The following LYZL4 variants were observed in gnomAD, a reference collection of about 807,000 sequenced individuals.
LYZL4 encodes lysozyme like 4.
A neutral mutation model predicts 17.6 loss-of-function variants in LYZL4; 13 were observed. The observed-to-expected ratio is 0.74, with a 90% confidence interval of 0.48 to 1.18. The LOEUF is 1.18. Ranked by LOEUF, LYZL4 falls within the 50% of genes most tolerant of loss-of-function variation. The pLI is 0.00. For missense variants in LYZL4, 174 were observed against 188.2 expected (o/e 0.92, Z 0.44); for synonymous variants, 64 against 67.7 (o/e 0.95, Z 0.27).
the LYZL4 span, among the ~76,000 whole-genome samples, chr3:42,365,548 G>A: frequency 5.3e-3 from 799 of 152,162 alleles, 5 homozygotes; most frequent in African/African-American, 0.018. Context: ...AGTGCAAATC[G>A]GCAAGGTCAA....
chr3:42,378,243 C>T, the LYZL4 span, among the ~76,000 whole-genome samples: 2 of 152,282 alleles, frequency 1.3e-5, no homozygotes, highest in East Asian at 3.9e-4. Flanking sequence ...ATTACAGGGG[C>T]CTACAGTGTT....
the LYZL4 span, among the ~76,000 whole-genome samples, chr3:42,370,946 A>G: frequency 6.6e-6 from 1 of 152,138 alleles, no homozygotes; most frequent in Non-Finnish European, 1.5e-5. Flanking sequence ...TTTTGTCTTT[A>G]GGGAGCCTCG....
chr3:42,373,703 C>CA, the LYZL4 span, among the ~76,000 whole-genome samples: 1 of 152,078 alleles, frequency 6.6e-6, no homozygotes, highest in East Asian at 1.9e-4. Context: ...AAGCCCTGTG[C>CA]ATCAGAAAGT....
At position 42,408,109 on chromosome 3, in the gene LYZL4, C is replaced by T. The variant is rs1431008890; in HGVS notation, c.-92-766G>A. ...ACAGCAAGCTGAGTCATAGCCCAGC[C>T]TTCTCATCTCCAACCCCCCGGGCCA... On this transcript the variant is annotated intron_variant, in intron 1 of 4. Coordinates refer to ENST00000287748, the MANE Select transcript of LYZL4 (RefSeq NM_144634.4). Among the ~76,000 whole-genome samples, 3 of 152,162 alleles carry T rather than the reference C, an allele frequency of 2.0e-5. No individual in the cohort carries two copies. In the East Asian group the frequency reaches 5.8e-4, roughly 29 times the overall value.
In LYZL4 at chr3:42,407,102, G is replaced by A. The variant is rs1449145043; in HGVS notation, c.139+11C>T. The A allele has an allele frequency of 7.4e-6, 12 of 1,613,930 alleles. No homozygotes were observed. The highest frequency in any genetic ancestry group is 1.0e-5 in the Non-Finnish European group (12 of 1,179,956). On this transcript the variant is annotated intron_variant, in intron 2 of 4. Transcript: ENST00000287748. ...GGTGAGAGGAGGGAGCACTAAGTGG[G>A]GCCTACTCACAGTTCTCAAGGCTAT...
the LYZL4 span, among the ~76,000 whole-genome samples, chr3:42,388,670 A>G: frequency 1.3e-5 from 2 of 152,254 alleles, no homozygotes; most frequent in Non-Finnish European, 2.9e-5. Context: ...CTGAACAAGC[A>G]TTCAGAACTG....
chr3:42,389,695 C>T, the LYZL4 span, among the ~76,000 whole-genome samples: 1 of 152,144 alleles, frequency 6.6e-6, no homozygotes, highest in African/African-American at 2.4e-5. Context: ...TCTCTGATGC[C>T]CAAGTCACAA....
At chr3:42,375,482 A>G in the LYZL4 span, among the ~76,000 whole-genome samples, 1 of 152,186 alleles carries the variant, frequency 6.6e-6, no homozygotes, top group East Asian at 1.9e-4. Flanking sequence ...TCTTTTAAGT[A>G]TTCTGTTCTC....
chr3:42,365,980 C>A, the LYZL4 span, among the ~76,000 whole-genome samples: 2 of 152,118 alleles, frequency 1.3e-5, no homozygotes. Context: ...AATTTCATAT[C>A]AACTGGGAAG....
the LYZL4 span, among the ~76,000 whole-genome samples, chr3:42,366,334 C>G: frequency 3.3e-5 from 5 of 152,176 alleles, no homozygotes; most frequent in African/African-American, 1.2e-4. Context: ...TGCCAGAACA[C>G]GGGGAGTAGA....
chr3:42,400,470 T>C (rs1207902800), intron 4 of LYZL4, among the ~76,000 whole-genome samples: 1 of 152,202 alleles, frequency 6.6e-6, no homozygotes, highest in Non-Finnish European at 1.5e-5. Flanking sequence ...AAGATAAGAA[T>C]GCTCATAGCA....
At chr3:42,368,087 G>A in the LYZL4 span, among the ~76,000 whole-genome samples, 1 of 151,340 alleles carries the variant, frequency 6.6e-6, no homozygotes, top group Non-Finnish European at 1.5e-5. Flanking sequence ...GCAAACGAGA[G>A]CCCACATTCC....
chr3:42,376,230 G>C, the LYZL4 span, among the ~76,000 whole-genome samples: 1 of 152,226 alleles, frequency 6.6e-6, no homozygotes, highest in Non-Finnish European at 1.5e-5. Context: ...TCCACCCTTC[G>C]CAGGGAGAAT....
At chr3:42,394,291 C>A (rs992468667), downstream of LYZL4, among the ~76,000 whole-genome samples, 21 of 152,256 alleles carry the variant, frequency 1.4e-4, no homozygotes, top group Admixed American at 4.6e-4. Context: ...AAACTAGAGA[C>A]CCAATTTTCC....
chr3:42,362,505 C>A, the LYZL4 span, among the ~76,000 whole-genome samples: 1 of 152,186 alleles, frequency 6.6e-6, no homozygotes, highest in Non-Finnish European at 1.5e-5. Context: ...AGCCCAAGAT[C>A]AAGGCACTAG....
At chr3:42,387,174 C>T in the LYZL4 span, among the ~76,000 whole-genome samples, 733 of 152,240 alleles carry the variant, frequency 4.8e-3, 5 homozygotes, top group African/African-American at 0.016. Flanking sequence ...AGCAATCCCT[C>T]GTGCATTGCT....
chr3:42,407,367 A>T, intron 1 of LYZL4, 24 bp from the exon 2 acceptor site: 1 of 1,373,068 alleles, frequency 7.3e-7, no homozygotes, highest in Non-Finnish European at 9.9e-7. Context: ...GGTGGAGCAC[A>T]GTTCAGTGTC....
chr3:42,404,072 T>C lies in LYZL4; in HGVS notation c.345A>G (p.Val115=). ...ATGCTCCCATCCCTTCTTTTCCTTT[T>C]ACAATGGTCTTGGCACATTTAATTG... ...EKTIKCAKTI[V]KGKEGMGAWP... Residue 115 remains valine (V), a synonymous_variant, in exon 4 of 5, where the codon GTA becomes GTG. Transcript: ENST00000287748. 1 of 1,612,944 alleles carries C rather than the reference T, an allele frequency of 6.2e-7. No individual in the cohort carries two copies. Among genetic ancestry groups the C allele is most frequent in the Non-Finnish European group, 8.5e-7 (1 of 1,178,994 alleles).
intron 1 of LYZL4, 140 bp from the exon 2 acceptor site, chr3:42,407,483 C>A: frequency 1.7e-6 from 1 of 574,964 alleles, no homozygotes; most frequent in Non-Finnish European, 3.1e-6. Context: ...TCTGCCCCTT[C>A]TCCTCCTCTT....
Sources: gnomAD v4.1 joint callset for allele counts (sites outside exome capture counted in the v4.1 genomes callset) on GRCh38, gnomAD v4.1.1 for gene constraint, MANE v1.5 for transcripts, NCBI Gene and HGNC (gene_info 2026-07-23, HGNC 2026-07-21) for gene names.